The following DLC1 variants were observed in gnomAD, a reference collection of about 807,000 sequenced individuals.
DLC1 encodes rho GTPase-activating protein 7.
DLC1 carries 54 observed loss-of-function variants against 140.3 expected under a neutral mutation model. That is an observed-to-expected ratio of 0.38 (90% CI 0.31 to 0.48). DLC1 has a LOEUF of 0.48. Ranked by LOEUF, DLC1 falls within the 20% of genes least tolerant of loss-of-function variation. DLC1 has a pLI of 0.96. For missense variants in DLC1, 2,536 were observed against 1,907.0 expected, an observed-to-expected ratio of 1.33 and a Z score of -6.14; for synonymous variants, 986 against 728.1, an observed-to-expected ratio of 1.35 and a Z score of -5.70.
At chr8:13,131,150 T>A (rs1273764866) in intron 5 of DLC1, among the ~76,000 whole-genome samples, 2 of 152,208 alleles carry the variant, frequency 1.3e-5, no homozygotes, top group African/African-American at 4.8e-5. Context: ...TCTGCTGCCG[T>A]CTGCAAGCCA....
chr8:13,256,380 C>G (rs1830227405), intron 5 of DLC1, among the ~76,000 whole-genome samples: 1 of 152,050 alleles, frequency 6.6e-6, no homozygotes, highest in Admixed American at 6.5e-5. Context: ...GGTATATACC[C>G]AAAGGATTAT....
intron 5 of DLC1, among the ~76,000 whole-genome samples, chr8:13,180,018 T>C (rs1324101690): frequency 1.3e-5 from 2 of 152,162 alleles, no homozygotes; most frequent in African/African-American, 4.8e-5. Flanking sequence ...CTTTGTGATA[T>C]CAGTGGTTGC....
chr8:13,210,792 T>C (rs913439104), intron 5 of DLC1, among the ~76,000 whole-genome samples: 3 of 152,210 alleles, frequency 2.0e-5, no homozygotes, highest in Non-Finnish European at 4.4e-5. Flanking sequence ...TAGCCCTTAT[T>C]ATCTTCAGAA....
chr8:13,299,651 A>G (rs1217855968), intron 5 of DLC1, among the ~76,000 whole-genome samples: 2 of 152,020 alleles, frequency 1.3e-5, no homozygotes, highest in East Asian at 1.9e-4. Context: ...AAAATGAAGA[A>G]ATAGAAAAAA....
intron 5 of DLC1, chr8:13,214,547 C>T (rs559945034): frequency 5.7e-6 from 4 of 698,284 alleles, no homozygotes; most frequent in Non-Finnish European, 1.0e-5. Flanking sequence ...TCCCCCGGCC[C>T]CAACCCCACC....
rs73663609 is a variant in DLC1, at chr8:13,128,309, G to C, written c.1349-12652C>G. ...ACAGTCAACGCGGGCCAGAGTTTTA[G>C]AAAATGGTATCCCAGAACACTCCCC... On this transcript the variant is annotated intron_variant, in intron 5 of 17. Coordinates refer to ENST00000276297, the MANE Select transcript of DLC1 (RefSeq NM_182643.3). Among the ~76,000 whole-genome samples the C allele has an allele frequency of 7.3e-3, 1,116 of 152,256 alleles. 13 individuals carry two copies. The highest frequency in any genetic ancestry group is 0.025 in the African/African-American group (1,032 of 41,550).
chr8:13,286,819 A>G (rs1015418949), intron 5 of DLC1, among the ~76,000 whole-genome samples: 8 of 151,978 alleles, frequency 5.3e-5, no homozygotes, highest in Non-Finnish European at 1.2e-4. Flanking sequence ...GAGAAGAAGG[A>G]AAAAAAGAAA....
At chr8:13,481,505 G>A (rs1184717870) in intron 2 of DLC1, among the ~76,000 whole-genome samples, 1 of 152,134 alleles carries the variant, frequency 6.6e-6, no homozygotes, top group African/African-American at 2.4e-5. Context: ...CATTCATAAA[G>A]CTAAATACTG....
chr8:13,535,414 C>T (rs1315301426), intron 1 of DLC1, among the ~76,000 whole-genome samples: 2 of 151,860 alleles, frequency 1.3e-5, no homozygotes, highest in Non-Finnish European at 2.9e-5. Flanking sequence ...GATTAACACA[C>T]GTTAGGTACA....
intron 5 of DLC1, among the ~76,000 whole-genome samples, chr8:13,261,750 G>T (rs1053545990): frequency 6.6e-6 from 1 of 152,170 alleles, no homozygotes; most frequent in Admixed American, 6.5e-5. Flanking sequence ...AAAACTAACT[G>T]CTGTGAATGG....
At chr8:13,579,690 A>G (rs73563431) in intron 1 of DLC1, among the ~76,000 whole-genome samples, 1 of 144,428 alleles carries the variant, frequency 6.9e-6, no homozygotes, top group Non-Finnish European at 1.5e-5. Flanking sequence ...GTATATTTAT[A>G]TATCTTATTA....
chr8:13,151,829 A>C (rs1823838133), intron 5 of DLC1, among the ~76,000 whole-genome samples: 1 of 152,150 alleles, frequency 6.6e-6, no homozygotes, highest in Non-Finnish European at 1.5e-5. Context: ...ACACCTTTAA[A>C]ATTTTATACC....
At position 13,110,724 on chromosome 8, in the gene DLC1, C is replaced by A; in HGVS notation, c.1502+18G>T. On this transcript the variant is annotated intron_variant, in intron 7 of 17. Coordinates refer to ENST00000276297, the MANE Select transcript of DLC1 (RefSeq NM_182643.3). Reference sequence around the variant, plus strand: ...TTAAAAAATAAAAAAGGAAAACACTCAAAACGTGTCCATTTACCTGCATAG... The same window carrying A: ...TTAAAAAATAAAAAAGGAAAACACTAAAAACGTGTCCATTTACCTGCATAG... 1 of 1,609,536 alleles carries A rather than the reference C, an allele frequency of 6.2e-7. No homozygotes were observed.
intron 1 of DLC1, among the ~76,000 whole-genome samples, chr8:13,586,362 T>C (rs1246281360): frequency 6.6e-6 from 1 of 152,078 alleles, no homozygotes; most frequent in African/African-American, 2.4e-5. Context: ...TCAGTAAGAC[T>C]TGATGACCGA....
intron 2 of DLC1, among the ~76,000 whole-genome samples, chr8:13,405,388 A>G (rs1837479957): frequency 6.6e-6 from 1 of 152,152 alleles, no homozygotes; most frequent in Non-Finnish European, 1.5e-5. Flanking sequence ...ATTGACATTT[A>G]TACTTAAGTC....
chr8:13,240,995 AG>A (rs1252643899), intron 5 of DLC1, among the ~76,000 whole-genome samples: 7 of 152,312 alleles, frequency 4.6e-5, no homozygotes, highest in African/African-American at 1.7e-4. Flanking sequence ...GAAGGGGTTG[AG>A]AGAGAAGGGG....
In DLC1 at chr8:13,149,804, T is replaced by A. The variant is rs191685929; in HGVS notation, c.1349-34147A>T. ...CTGGTTAAGGCTGGAATAAAACAGG[T>A]GATTGTGAGACCAAAGCTCCATGAA... On this transcript the variant is annotated intron_variant, in intron 5 of 17. Transcript: ENST00000276297. Among the ~76,000 whole-genome samples, 308 of 152,298 alleles carry A rather than the reference T, an allele frequency of 2.0e-3. 2 individuals carry two copies. Among genetic ancestry groups the A allele is most frequent in the African/African-American group, 7.2e-3 (299 of 41,564 alleles).
rs143398493 is a variant in DLC1, at chr8:13,240,211, C to T, written c.1348+65058G>A. Reference sequence around the variant, plus strand: ...TTTACCAGGCTGGACTTGCTCTTTTCCCGTAGTAGTGTCCTCCTCTAAACC... The same window carrying T: ...TTTACCAGGCTGGACTTGCTCTTTTTCCGTAGTAGTGTCCTCCTCTAAACC... On this transcript the variant is annotated intron_variant, in intron 5 of 17. Transcript: ENST00000276297. 3.0e-3 allele frequency among the ~76,000 whole-genome samples: 451 copies of T among 152,140 alleles called. 1 individual carries two copies. Among genetic ancestry groups the T allele is most frequent in the Middle Eastern group, 0.017 (5 of 294 alleles).
At chr8:13,091,538 G>T in intron 13 of DLC1, 106 bp from the exon 14 acceptor site, 1 of 940,496 alleles carries the variant, frequency 1.1e-6, no homozygotes, top group East Asian at 2.6e-5. Context: ...AATTTTCACT[G>T]GAATCTGTTT....
Sources: gnomAD v4.1 joint callset for allele counts (sites outside exome capture counted in the v4.1 genomes callset) on GRCh38, gnomAD v4.1.1 for gene constraint, MANE v1.5 for transcripts, NCBI Gene and HGNC (gene_info 2026-07-23, HGNC 2026-07-21) for gene names.